Variants in SERPIND1 observed in about 807,000 individuals in gnomAD.
The protein encoded by SERPIND1 is heparin cofactor 2.
Under a neutral mutation model 35.0 loss-of-function variants are expected in SERPIND1, and 34 were observed. The ratio of observed to expected loss-of-function variants is 0.97; its 90% CI spans 0.74 to 1.29. The LOEUF (loss-of-function observed/expected upper bound fraction) is 1.29, where lower values mean the gene tolerates loss of function less well. SERPIND1 is among the 50% of genes most tolerant of loss of function. SERPIND1 has a pLI of 0.00. For synonymous variants in SERPIND1, 236 were observed against 241.1 expected, an observed-to-expected ratio of 0.98 and a Z score of 0.19; for missense variants, 633 against 637.7, an observed-to-expected ratio of 0.99 and a Z score of 0.08.
At position 20,779,553 on chromosome 22, in the gene SERPIND1, G is replaced by T. The variant is rs774122856; in HGVS notation, c.241G>T (p.Asp81Tyr). 6.2e-7 allele frequency: 1 copy of T among 1,614,064 alleles called. No individual in the cohort carries two copies. Among genetic ancestry groups the T allele is most frequent in the Non-Finnish European group, 8.5e-7 (1 of 1,180,004 alleles). Reference protein sequence around the residue: ...PEGEEDDDYLDLEKIFSEDDD... With the variant: ...PEGEEDDDYLYLEKIFSEDDD... ...GGGGGAGGAGGACGACGACTATCTG[G>T]ACCTGGAGAAGATATTCAGTGAAGA... The change falls in exon 2 of 5, where the codon GAC (aspartate) becomes TAC (tyrosine). Residue 81 changes from aspartate to tyrosine, a missense_variant. Transcript: ENST00000215727.
chr22:20,784,134 G>A lies in SERPIND1; in HGVS notation c.1052G>A (p.Gly351Glu), dbSNP rs200755916. The change falls in exon 3 of 5, where the codon GGG becomes GAG. Residue 351 changes from glycine (G) to glutamate (E), a missense_variant. Gly to Glu is a moderately conservative substitution (Grantham distance 98). Transcript: ENST00000215727. ...GACATCCTCCAGCTGGAATACGTGG[G>A]GGGCATCAGCATGCTAATTGTGGTC... ...DCDILQLEYV[G>E]GISMLIVVPH... 16 of 1,614,184 alleles carry A rather than the reference G, an allele frequency of 9.9e-6. No individual in the cohort carries two copies. Among genetic ancestry groups the A allele is most frequent in the Non-Finnish European group, 1.4e-5 (16 of 1,180,028 alleles).
At chr22:20,780,235 C>T (rs774618166) in intron 2 of SERPIND1, 34 bp downstream of exon 2, 1 of 1,613,984 alleles carries the variant, frequency 6.2e-7, no homozygotes, top group South Asian at 1.1e-5. Context: ...CACAGCAAAC[C>T]CACAACATAC....
At chr22:20,781,927 A>G (rs187230403) in intron 2 of SERPIND1, among the ~76,000 whole-genome samples, 41 of 152,370 alleles carry the variant, frequency 2.7e-4, no homozygotes, top group Non-Finnish European at 4.4e-4. Context: ...GGGAAGAACC[A>G]TAAGCGATGG....
Position 20,786,952 on chromosome 22 carries a change from G to A in SERPIND1, c.1386G>A (p.Pro462=), listed in dbSNP as rs776565464. The A allele has an allele frequency of 2.2e-5, 36 of 1,613,994 alleles. 1 individual carries two copies. Among genetic ancestry groups the A allele is most frequent in the South Asian group, 5.5e-5 (5 of 91,080 alleles). The change falls in exon 5 of 5, where the codon CCG becomes CCA. Residue 462 remains proline, a synonymous_variant. Transcript: ENST00000215727. ...CTGTGACCACGGTGGGGTTCATGCC[G>A]CTGTCCACCCAAGTCCGCTTCACTG... The part of the protein sequence containing the change: ...ATTVTTVGFM[P]LSTQVRFTVD...
At chr22:20,777,344 G>A (rs1233224170) in intron 1 of SERPIND1, among the ~76,000 whole-genome samples, 1 of 151,716 alleles carries the variant, frequency 6.6e-6, no homozygotes, top group Non-Finnish European at 1.5e-5. Context: ...AGCCTCCTAA[G>A]TATCTGGGAT....
intron 2 of SERPIND1, among the ~76,000 whole-genome samples, chr22:20,780,633 G>A (rs1003433588): frequency 6.6e-6 from 1 of 151,988 alleles, no homozygotes; most frequent in Admixed American, 6.6e-5. Context: ...AAAATTAGCT[G>A]GGCCTGGCGG....
Position 20,784,059 on chromosome 22 carries a change from T to C in SERPIND1, c.977T>C (p.Met326Thr). 6.2e-7 allele frequency: 1 copy of C among 1,614,160 alleles called. No homozygotes were observed. The highest frequency in any genetic ancestry group is 8.5e-7 in the Non-Finnish European group (1 of 1,180,030). ...NEREVVKVSM[M>T]QTKGNFLAAN... The stretch of plus-strand genomic sequence containing the variant: ...AGAGAGGTAGTTAAGGTTTCCATGA[T>C]GCAGACCAAGGGGAACTTCCTCGCA... The change falls in exon 3 of 5, where the codon ATG becomes ACG. Residue 326 changes from methionine to threonine, a missense_variant. Met to Thr is a moderately conservative substitution (Grantham distance 81). Transcript: ENST00000215727.
At position 20,779,385 on chromosome 22, in the gene SERPIND1, C is replaced by T. The variant is rs1480831169; in HGVS notation, c.73C>T (p.Leu25=). 1 of 1,614,110 alleles carries T rather than the reference C, an allele frequency of 6.2e-7. No individual in the cohort carries two copies. The highest frequency in any genetic ancestry group is 8.5e-7 in the Non-Finnish European group (1 of 1,180,052). ...TGCGTGGGGTGGGAGCAAAGGCCCG[C>T]TGGATCAGCTAGAGAAAGGAGGGGA... ...TSAWGGSKGP[L]DQLEKGGETA... Residue 25 remains leucine (L), a synonymous_variant, in exon 2 of 5, where the codon CTG becomes TTG. Coordinates refer to ENST00000215727, the MANE Select transcript of SERPIND1 (RefSeq NM_000185.4).
rs370756011 is a variant in SERPIND1 at position 20,779,128 on chromosome 22, GTCTA to G, written c.-16-164_-16-161del. ...ATGAGTCCCACATCAAAGGTTGGGT[GTCTA>G]TCTACATCAGATTCTCTTAAAGTCC... On this transcript the variant is annotated intron_variant, in intron 1 of 4. Transcript: ENST00000215727. The G allele has an allele frequency of 3.4e-6, 5 of 1,469,098 alleles. No individual in the cohort carries two copies. In the African/African-American group the frequency reaches 5.6e-5, roughly 16 times the overall value. The allele number at this position is 1,469,098 out of a possible 1,614,324, so 91.0% of individuals were successfully genotyped here.
chr22:20,786,886 A>G lies in SERPIND1; in HGVS notation c.1320A>G (p.Gln440=). 6.2e-7 allele frequency: 1 copy of G among 1,614,178 alleles called. No individual in the cohort carries two copies. The highest frequency in any genetic ancestry group is 1.7e-5 in the Admixed American group (1 of 60,026). ...TCCTTTCCAAACAGTTCAAGCACCA[A>G]GGCACGATCACAGTGAACGAGGAAG... ...QRIAIDLFKH[Q]GTITVNEEGT... The change falls in exon 5 of 5, where the codon CAA becomes CAG. Residue 440 remains glutamine, a synonymous_variant. Coordinates refer to ENST00000215727, the MANE Select transcript of SERPIND1 (RefSeq NM_000185.4).
intron 1 of SERPIND1, among the ~76,000 whole-genome samples, chr22:20,775,790 T>G (rs547057555): frequency 3.3e-5 from 5 of 152,280 alleles, no homozygotes; most frequent in South Asian, 4.1e-4. Context: ...ATGCCTGGTC[T>G]TCTTCTTCTT....
chr22:20,781,684 A>G (rs1163339416), intron 2 of SERPIND1, among the ~76,000 whole-genome samples: 1 of 152,246 alleles, frequency 6.6e-6, no homozygotes, highest in Non-Finnish European at 1.5e-5. Context: ...TCAAAGGCTG[A>G]GTTCTAACAG....
intron 2 of SERPIND1, among the ~76,000 whole-genome samples, chr22:20,782,434 T>C (rs1933871001): frequency 6.6e-6 from 1 of 152,244 alleles, no homozygotes; most frequent in South Asian, 2.1e-4. Flanking sequence ...TCATGGATGC[T>C]TCTCAAAGGG....
chr22:20,777,651 C>T (rs534798618), intron 1 of SERPIND1, among the ~76,000 whole-genome samples: 8 of 152,298 alleles, frequency 5.3e-5, no homozygotes, highest in African/African-American at 1.9e-4. Context: ...AGCGCCTGGC[C>T]GGCAGTTCTT....
At chr22:20,775,492 C>A (rs1226093215) in intron 1 of SERPIND1, among the ~76,000 whole-genome samples, 1 of 152,206 alleles carries the variant, frequency 6.6e-6, no homozygotes, top group Admixed American at 6.5e-5. Flanking sequence ...AATATAACTT[C>A]TGAATACCGG....
Position 20,779,894 on chromosome 22 carries a change from A to C in SERPIND1, c.582A>C (p.Glu194Asp). Residue 194 changes from glutamate to aspartate, a missense_variant, in exon 2 of 5, where the codon GAA becomes GAC. By Grantham distance (45) the Glu-to-Asp change is conservative. Transcript: ENST00000215727. ...TTGTTAATGCCAGCAGCAAGTATGA[A>C]ATCACGACCATTCATAATCTCTTCC... ...KDFVNASSKY[E>D]ITTIHNLFRK... 1 of 1,614,220 alleles carries C rather than the reference A, an allele frequency of 6.2e-7. No individual in the cohort carries two copies.
intron 3 of SERPIND1, 32 bp downstream of exon 3, chr22:20,784,277 C>T (rs1231045436): frequency 4.3e-6 from 7 of 1,613,726 alleles, no homozygotes; most frequent in South Asian, 1.1e-5. Context: ...TTCTTTTGAG[C>T]TCCCAGATGC....
At chr22:20,780,629 AG>A (rs1248805849) in intron 2 of SERPIND1, among the ~76,000 whole-genome samples, 1 of 152,034 alleles carries the variant, frequency 6.6e-6, no homozygotes, top group Non-Finnish European at 1.5e-5. Context: ...TACAAAAATT[AG>A]CTGGGCCTGG....
At chr22:20,775,076 C>G (rs1933158265) in intron 1 of SERPIND1, among the ~76,000 whole-genome samples, 1 of 152,078 alleles carries the variant, frequency 6.6e-6, no homozygotes, top group South Asian at 2.1e-4. Flanking sequence ...CTCTGTTGGG[C>G]CTGGAGACCA....
Sources: gnomAD v4.1 joint callset for allele counts (sites outside exome capture counted in the v4.1 genomes callset) on GRCh38, gnomAD v4.1.1 for gene constraint, MANE v1.5 for transcripts, NCBI Gene and HGNC (gene_info 2026-07-23, HGNC 2026-07-21) for gene names.